Variants in AKAP12 observed in about 807,000 individuals in gnomAD.
The protein encoded by AKAP12 is A-kinase anchoring protein 12, also known as A-kinase anchor protein 12.
In AKAP12, 32 loss-of-function variants were observed where a neutral mutation model predicts 79.9. The observed-to-expected ratio is 0.40, with a 90% CI of 0.30 to 0.54. The LOEUF (loss-of-function observed/expected upper bound fraction) is 0.54. Among genes scored for constraint, AKAP12 ranks in the 20% least tolerant of loss-of-function variants. The pLI is 0.48. For synonymous variants in AKAP12, 808 were observed against 857.0 expected, an observed-to-expected ratio of 0.94 and a Z score of 1.00; for missense variants, 2,074 against 2,177.0, an observed-to-expected ratio of 0.95 and a Z score of 0.94.
At chr6:151,240,149 C>A (rs2114668273) in intron 1 of AKAP12, 90 bp downstream of exon 1, 1 of 162,616 alleles carries the variant, frequency 6.1e-6, no homozygotes, top group South Asian at 2.0e-4. Context: ...GGCCCTGGGT[C>A]GTCCCCGCAG....
chr6:151,295,353 A>C (rs1776702084), intron 2 of AKAP12, among the ~76,000 whole-genome samples: 1 of 152,184 alleles, frequency 6.6e-6, no homozygotes, highest in African/African-American at 2.4e-5. Flanking sequence ...CTCATGTCTA[A>C]AGATGAGTTT....
At chr6:151,297,488 G>A (rs1776761223) in intron 2 of AKAP12, among the ~76,000 whole-genome samples, 1 of 150,594 alleles carries the variant, frequency 6.6e-6, no homozygotes, top group Non-Finnish European at 1.5e-5. Flanking sequence ...CAGGAGAATC[G>A]CTTGAACCCA....
chr6:151,299,161 T>C (rs1776802482), intron 2 of AKAP12, among the ~76,000 whole-genome samples: 2 of 152,240 alleles, frequency 1.3e-5, no homozygotes, highest in East Asian at 3.8e-4. Context: ...GTTCAATGTT[T>C]TTGATGAATG....
At chr6:151,272,351 AAAAAAAAAC>A (rs1264689121) in intron 2 of AKAP12, among the ~76,000 whole-genome samples, 5 of 151,242 alleles carry the variant, frequency 3.3e-5, no homozygotes, top group African/African-American at 9.7e-5. Flanking sequence ...TTTCAAAAAA[AAAAAAAAAC>A]AAAAAAAACA....
chr6:151,325,584 G>GA, intron 3 of AKAP12: 1 of 1,338,318 alleles, frequency 7.5e-7, no homozygotes, highest in Non-Finnish European at 9.6e-7. Flanking sequence ...CTCAGCAAGG[G>GA]AGGGGCCAGC....
chr6:151,261,239 G>T (rs1487440526), intron 2 of AKAP12, among the ~76,000 whole-genome samples: 2 of 151,750 alleles, frequency 1.3e-5, no homozygotes, highest in Non-Finnish European at 2.9e-5. Context: ...AATTAGCTGG[G>T]CGTGGTGGTG....
chr6:151,352,796 G>A lies in AKAP12; in HGVS notation c.4405G>A (p.Gly1469Arg). Residue 1469 changes from glycine to arginine, a missense_variant, in exon 4 of 5, where the codon GGG becomes AGG. Transcript: ENST00000402676. Reference sequence around the variant, plus strand: ...AAATGAAGACTTTGCCGCTCATCCAGGGGAAGATGCTGTGCCCACAGGGCC... The same window carrying A: ...AAATGAAGACTTTGCCGCTCATCCAAGGGAAGATGCTGTGCCCACAGGGCC... ...EKNEDFAAHPGEDAVPTGPDC... is the reference protein window; with the variant it reads ...EKNEDFAAHPREDAVPTGPDC... 6 of 1,614,182 alleles carry A rather than the reference G, an allele frequency of 3.7e-6. No individual in the cohort carries two copies. The highest frequency in any genetic ancestry group is 5.1e-6 in the Non-Finnish European group (6 of 1,180,042).
At chr6:151,261,733 T>TTTTTTTA (rs1054576119) in intron 2 of AKAP12, among the ~76,000 whole-genome samples, 4 of 144,028 alleles carry the variant, frequency 2.8e-5, no homozygotes, top group South Asian at 2.3e-4. Context: ...GTTTTTATTA[T>TTTTTTTA]TTTATTTATT....
At position 151,348,903 on chromosome 6, in the gene AKAP12, G is replaced by C. The variant is rs1369734423; in HGVS notation, c.512G>C (p.Gly171Ala). ...QPTESQANDIGFKKVFKFVGF... is the reference protein window; with the variant it reads ...QPTESQANDIAFKKVFKFVGF... ...ACTGAGTCCCAGGCTAATGATATTG[G>C]ATTTAAGAAGGTGTTTAAGTTTGTT... Residue 171 changes from glycine to alanine, a missense_variant, in exon 4 of 5, where the codon GGA becomes GCA. Coordinates refer to ENST00000402676, the MANE Select transcript of AKAP12 (RefSeq NM_005100.4). 7.4e-6 allele frequency: 12 copies of C among 1,614,064 alleles called. No individual in the cohort carries two copies. Among genetic ancestry groups the C allele is most frequent in the Non-Finnish European group, 1.0e-5 (12 of 1,179,994 alleles).
Position 151,352,726 on chromosome 6 carries a change from G to A in AKAP12, c.4335G>A (p.Glu1445=), listed in dbSNP as rs1283186404. ...TTTTAGAAACAGGTGAAACGTTGGA[G>A]CCTGCAGGTGCACATTTAGTTCTGG... ...ANILETGETL[E]PAGAHLVLEE... is the part of the protein sequence containing the mutation. Residue 1445 remains glutamate, a synonymous_variant, in exon 4 of 5, where the codon GAG becomes GAA. Transcript: ENST00000402676. 6.2e-7 allele frequency: 1 copy of A among 1,614,098 alleles called. No individual in the cohort carries two copies. The highest frequency in any genetic ancestry group is 1.3e-5 in the African/African-American group (1 of 74,940).
chr6:151,278,361 G>A lies in AKAP12; in HGVS notation c.163-27386G>A, dbSNP rs149762007. On this transcript the variant is annotated intron_variant, in intron 2 of 4. Transcript: ENST00000402676. ...CTCCCAAGTAGCTGGGATTGCAGGCGCCCACCACCATGCCCAGCTAATTTT... is the reference window on the plus strand; with the variant it reads ...CTCCCAAGTAGCTGGGATTGCAGGCACCCACCACCATGCCCAGCTAATTTT... Among the ~76,000 whole-genome samples the A allele has an allele frequency of 7.1e-3, 1,076 of 151,570 alleles. 23 individuals carry two copies. The East Asian group carries it at 0.084, about 12-fold the overall frequency.
Position 151,352,805 on chromosome 6 carries a change from G to A in AKAP12, c.4414G>A (p.Ala1472Thr). ...CTTTGCCGCTCATCCAGGGGAAGATGCTGTGCCCACAGGGCCCGACTGTCA... is the reference window on the plus strand; with the variant it reads ...CTTTGCCGCTCATCCAGGGGAAGATACTGTGCCCACAGGGCCCGACTGTCA... ...EDFAAHPGED[A>T]VPTGPDCQAK... Residue 1472 changes from alanine to threonine, a missense_variant, in exon 4 of 5, where the codon GCT (alanine) becomes ACT (threonine). Transcript: ENST00000402676. 1 of 1,614,206 alleles carries A rather than the reference G, an allele frequency of 6.2e-7. No individual in the cohort carries two copies. The highest frequency in any genetic ancestry group is 8.5e-7 in the Non-Finnish European group (1 of 1,180,048).
intron 2 of AKAP12, among the ~76,000 whole-genome samples, chr6:151,263,582 CTT>C (rs1192518933): frequency 6.6e-6 from 1 of 151,430 alleles, no homozygotes; most frequent in African/African-American, 2.4e-5. Context: ...CTTTTCTTTT[CTT>C]TTTTATTTTT....
intron 3 of AKAP12, among the ~76,000 whole-genome samples, chr6:151,337,532 GA>G (rs891584686): frequency 3.1e-5 from 4 of 128,350 alleles, no homozygotes; most frequent in Admixed American, 3.1e-4. Context: ...AAAAAAGAAA[GA>G]AAGAAAGATA....
chr6:151,302,290 A>C (rs1366597996), intron 2 of AKAP12, among the ~76,000 whole-genome samples: 1 of 152,098 alleles, frequency 6.6e-6, no homozygotes, highest in Non-Finnish European at 1.5e-5. Flanking sequence ...GATTAAAGGC[A>C]TGAGCCACTG....
chr6:151,297,423 A>C (rs772191906), intron 2 of AKAP12, among the ~76,000 whole-genome samples: 1 of 151,970 alleles, frequency 6.6e-6, no homozygotes, highest in Admixed American at 6.5e-5. Context: ...AAATACAAAA[A>C]TTAGCCGGGT....
intron 3 of AKAP12, among the ~76,000 whole-genome samples, chr6:151,327,822 G>A (rs1045270856): frequency 6.6e-6 from 1 of 152,114 alleles, no homozygotes; most frequent in South Asian, 2.1e-4. Context: ...GCAAAATTTT[G>A]CACTTTTTCC....
At chr6:151,243,516 G>C (rs1437827363) in intron 2 of AKAP12, among the ~76,000 whole-genome samples, 1 of 152,178 alleles carries the variant, frequency 6.6e-6, no homozygotes, top group Non-Finnish European at 1.5e-5. Flanking sequence ...ACAAGCTTTT[G>C]ATTACTCAGG....
intron 2 of AKAP12, among the ~76,000 whole-genome samples, chr6:151,269,754 T>C (rs372527336): frequency 6.6e-6 from 1 of 152,210 alleles, no homozygotes; most frequent in Non-Finnish European, 1.5e-5. Flanking sequence ...TACTGTACAA[T>C]TCACCATTTA....
Sources: allele counts gnomAD v4.1 joint callset (sites outside exome capture counted in the v4.1 genomes callset), GRCh38; gene constraint gnomAD v4.1.1; transcripts MANE v1.5; gene names NCBI Gene and HGNC (gene_info 2026-07-23, HGNC 2026-07-21).